Variants in NPAS3 observed in about 807,000 individuals in gnomAD.
The protein encoded by NPAS3 is neuronal PAS domain protein 3, also known as neuronal PAS domain-containing protein 3.
Under a neutral mutation model 73.1 loss-of-function variants are expected in NPAS3, and 14 were observed. The observed-to-expected ratio is 0.19, with a 90% CI of 0.13 to 0.30. The LOEUF (loss-of-function observed/expected upper bound fraction) is 0.30. Among genes scored for constraint, NPAS3 ranks in the 10% least tolerant of loss-of-function variants. The pLI, the probability that NPAS3 is intolerant of heterozygous loss-of-function variation, is 1.00. For synonymous variants in NPAS3, 620 were observed against 541.5 expected (o/e 1.14, Z -2.01); for missense variants, 1,096 against 1,250.0 (o/e 0.88, Z 1.86).
chr14:33,258,947 G>A (rs1400794846), intron 3 of NPAS3, among the ~76,000 whole-genome samples: 1 of 152,130 alleles, frequency 6.6e-6, no homozygotes, highest in Non-Finnish European at 1.5e-5. Context: ...CCAAGTAGCT[G>A]GGACTACAGG....
intron 4 of NPAS3, among the ~76,000 whole-genome samples, chr14:33,372,994 T>C (rs2046157371): frequency 6.6e-6 from 1 of 152,220 alleles, no homozygotes; most frequent in African/African-American, 2.4e-5. Flanking sequence ...GTACGCATGT[T>C]ATTTATTGTT....
intron 4 of NPAS3, among the ~76,000 whole-genome samples, chr14:33,544,603 A>G (rs114155669): frequency 0.018 from 2,728 of 151,266 alleles, 76 homozygotes; most frequent in African/African-American, 0.059. Context: ...ACACCCTTCC[A>G]CAATCTAGGA....
intron 1 of NPAS3, among the ~76,000 whole-genome samples, chr14:32,976,365 A>G (rs750736531): frequency 1.3e-5 from 2 of 152,210 alleles, no homozygotes; most frequent in Non-Finnish European, 1.5e-5. Context: ...TGATTCAGAA[A>G]GGAAATAATG....
intron 2 of NPAS3, among the ~76,000 whole-genome samples, chr14:33,143,963 C>T (rs1276992609): frequency 6.6e-6 from 1 of 152,036 alleles, no homozygotes; most frequent in Admixed American, 6.5e-5. Flanking sequence ...TTATCTGTTG[C>T]TGGATATTTG....
At chr14:33,170,161 C>T (rs1052048157) in intron 2 of NPAS3, among the ~76,000 whole-genome samples, 5 of 152,104 alleles carry the variant, frequency 3.3e-5, no homozygotes, top group African/African-American at 1.2e-4. Flanking sequence ...AGGTTCAGTT[C>T]CAGACTACTA....
intron 2 of NPAS3, among the ~76,000 whole-genome samples, chr14:33,184,565 G>A (rs540057655): frequency 5.3e-4 from 80 of 152,254 alleles, no homozygotes; most frequent in South Asian, 2.9e-3. Context: ...GGATTAGAGC[G>A]GGGCCAGTGA....
At chr14:33,137,988 C>T (rs2043901359) in intron 2 of NPAS3, among the ~76,000 whole-genome samples, 1 of 151,028 alleles carries the variant, frequency 6.6e-6, no homozygotes, top group Non-Finnish European at 1.5e-5. Flanking sequence ...TCCTGCTTTT[C>T]CCAAAAATGA....
chr14:33,362,734 C>T (rs1388410852), intron 3 of NPAS3, among the ~76,000 whole-genome samples: 1 of 152,062 alleles, frequency 6.6e-6, no homozygotes, highest in African/African-American at 2.4e-5. Context: ...TACTACCTGC[C>T]GAACTTTAAG....
At chr14:33,311,197 C>G (rs1594662131) in intron 3 of NPAS3, among the ~76,000 whole-genome samples, 1 of 152,212 alleles carries the variant, frequency 6.6e-6, no homozygotes, top group South Asian at 2.1e-4. Context: ...CCTGTCTCAG[C>G]TGTCCTTTGG....
intron 2 of NPAS3, among the ~76,000 whole-genome samples, chr14:33,193,961 G>A (rs1016173809): frequency 6.6e-6 from 1 of 152,076 alleles, no homozygotes; most frequent in Non-Finnish European, 1.5e-5. Context: ...TTATATCAGG[G>A]TTCAGACTGT....
intron 6 of NPAS3, among the ~76,000 whole-genome samples, chr14:33,678,117 A>T (rs2059820566): frequency 6.6e-6 from 1 of 152,124 alleles, no homozygotes; most frequent in Non-Finnish European, 1.5e-5. Context: ...GATCTTCATG[A>T]TCCTTTTATC....
At chr14:33,712,062 T>C (rs372570378) in intron 6 of NPAS3, among the ~76,000 whole-genome samples, 2 of 152,070 alleles carry the variant, frequency 1.3e-5, no homozygotes, top group African/African-American at 4.8e-5. Flanking sequence ...TGGTGAAAAG[T>C]TGGAGAAGCA....
intron 2 of NPAS3, among the ~76,000 whole-genome samples, chr14:33,104,662 A>G (rs1193196457): frequency 6.6e-6 from 1 of 152,148 alleles, no homozygotes; most frequent in African/African-American, 2.4e-5. Context: ...GAACATTTAG[A>G]TTTTGTTTCT....
intron 3 of NPAS3, among the ~76,000 whole-genome samples, chr14:33,290,493 G>A (rs2042057056): frequency 2.0e-5 from 3 of 152,186 alleles, no homozygotes; most frequent in African/African-American, 7.2e-5. Flanking sequence ...TCAAATATAT[G>A]TGTGAATAAA....
chr14:33,535,150 C>A (rs909756620), intron 4 of NPAS3, among the ~76,000 whole-genome samples: 5 of 152,108 alleles, frequency 3.3e-5, no homozygotes, highest in Non-Finnish European at 5.9e-5. Context: ...TACTCAAATT[C>A]TATAATAAAA....
chr14:33,347,037 C>T (rs1466511342), intron 3 of NPAS3, among the ~76,000 whole-genome samples: 1 of 152,110 alleles, frequency 6.6e-6, no homozygotes, highest in Non-Finnish European at 1.5e-5. Flanking sequence ...ATAACCTTTA[C>T]CTTGAAAGAG....
chr14:33,591,835 G>C (rs1312884864), intron 5 of NPAS3, among the ~76,000 whole-genome samples: 1 of 152,154 alleles, frequency 6.6e-6, no homozygotes, highest in African/African-American at 2.4e-5. Flanking sequence ...ACTGCCAAGA[G>C]GAAGAATATC....
At chr14:33,506,615 A>C (rs2052775789) in intron 4 of NPAS3, among the ~76,000 whole-genome samples, 1 of 152,050 alleles carries the variant, frequency 6.6e-6, no homozygotes, top group African/African-American at 2.4e-5. Context: ...TTTTGTATTG[A>C]TATGATTATA....
intron 2 of NPAS3, among the ~76,000 whole-genome samples, chr14:33,125,724 G>T (rs1474493531): frequency 2.6e-5 from 4 of 152,048 alleles, no homozygotes; most frequent in Admixed American, 2.0e-4. Flanking sequence ...TAAAATATTT[G>T]TGGGACTATT....
Sources: gnomAD v4.1 joint callset for allele counts (sites outside exome capture counted in the v4.1 genomes callset) on GRCh38, gnomAD v4.1.1 for gene constraint, MANE v1.5 for transcripts, NCBI Gene and HGNC (gene_info 2026-07-23, HGNC 2026-07-21) for gene names.